Variants in NRP1 observed in about 807,000 individuals in gnomAD.
NRP1 encodes the protein neuropilin 1.
Under a neutral mutation model 106.7 loss-of-function variants are expected in NRP1, and 35 were observed. The observed-to-expected ratio is 0.33, with a 90% CI of 0.25 to 0.43. The LOEUF is 0.43. NRP1 is among the 20% of genes least tolerant of loss of function. The pLI, the probability that NRP1 is intolerant of heterozygous loss-of-function variation, is 1.00. For missense variants in NRP1, 1,024 were observed against 1,170.4 expected, an observed-to-expected ratio of 0.87 and a Z score of 1.83; for synonymous variants, 437 against 417.9, an observed-to-expected ratio of 1.05 and a Z score of -0.56.
chr10:33,263,911 C>A (rs771163120), intron 3 of NRP1, 38 bp from the exon 4 acceptor site: 1 of 1,333,274 alleles, frequency 7.5e-7, no homozygotes, highest in Non-Finnish European at 1.1e-6. Flanking sequence ...AGTGAAAATC[C>A]CACTTAAACA....
intron 2 of NRP1, among the ~76,000 whole-genome samples, chr10:33,276,668 T>G (rs1006780823): frequency 3.3e-5 from 5 of 152,188 alleles, no homozygotes; most frequent in African/African-American, 1.2e-4. Context: ...CCTTTCATAT[T>G]TTTTGTGGGG....
intron 2 of NRP1, among the ~76,000 whole-genome samples, chr10:33,272,249 G>A (rs988431840): frequency 6.6e-6 from 1 of 152,240 alleles, no homozygotes; most frequent in Non-Finnish European, 1.5e-5. Context: ...AGTTAAAACT[G>A]TGTGCCAGCT....
chr10:33,192,538 T>G, intron 12 of NRP1, 120 bp from the exon 13 acceptor site: 1 of 1,063,154 alleles, frequency 9.4e-7, no homozygotes, highest in South Asian at 1.9e-5. Context: ...TTTATGTCTG[T>G]TTGAAAATTC....
intron 12 of NRP1, 111 bp from the exon 13 acceptor site, chr10:33,192,529 T>C: frequency 9.1e-7 from 1 of 1,104,764 alleles, no homozygotes; most frequent in Non-Finnish European, 1.3e-6. Flanking sequence ...TTATACAACT[T>C]TATGTCTGTT....
At chr10:33,223,337 G>T (rs982211830) in intron 7 of NRP1, among the ~76,000 whole-genome samples, 1 of 152,150 alleles carries the variant, frequency 6.6e-6, no homozygotes, top group South Asian at 2.1e-4. Context: ...AGAGTTGGTT[G>T]TGGCTGGGTG....
intron 2 of NRP1, among the ~76,000 whole-genome samples, chr10:33,281,054 A>AT (rs112473156): frequency 0.45 from 65,816 of 147,122 alleles, 15,316 homozygotes; most frequent in South Asian, 0.56. Flanking sequence ...AGCCTTCCAA[A>AT]TTTTTTTTTT....
In NRP1 at chr10:33,180,145, A is replaced by G. The variant is rs1326702173; in HGVS notation, c.2703T>C (p.Phe901=). The change falls in exon 17 of 17, where the codon TTT becomes TTC. Residue 901 remains phenylalanine, a synonymous_variant. Transcript: ENST00000374867. ...RNLSALENYN[F]ELVDGVKLKK... The stretch of plus-strand genomic sequence containing the variant: ...TCAACTTCACACCATCCACAAGTTC[A>G]AAGTTATAGTTCTCCAGGGCAGACA... 1 of 1,614,166 alleles carries G rather than the reference A, an allele frequency of 6.2e-7. No individual in the cohort carries two copies. The highest frequency in any genetic ancestry group is 8.5e-7 in the Non-Finnish European group (1 of 1,180,038).
At chr10:33,205,137 C>G (rs1323386915) in intron 10 of NRP1, among the ~76,000 whole-genome samples, 1 of 152,188 alleles carries the variant, frequency 6.6e-6, no homozygotes, top group Non-Finnish European at 1.5e-5. Flanking sequence ...TTAGGTGTCT[C>G]CCCTAGAACA....
intron 8 of NRP1, among the ~76,000 whole-genome samples, chr10:33,215,783 T>G (rs185755638): frequency 1.3e-5 from 2 of 152,344 alleles, no homozygotes; most frequent in Non-Finnish European, 2.9e-5. Context: ...GTCGTTTCTT[T>G]ACTCAGACAT....
intron 2 of NRP1, among the ~76,000 whole-genome samples, chr10:33,288,055 T>C (rs1844708573): frequency 6.6e-6 from 1 of 152,170 alleles, no homozygotes; most frequent in Non-Finnish European, 1.5e-5. Flanking sequence ...TAAATTTGGT[T>C]AAAGTGAACT....
intron 3 of NRP1, among the ~76,000 whole-genome samples, chr10:33,266,649 G>T (rs1842936443): frequency 6.6e-6 from 1 of 152,174 alleles, no homozygotes; most frequent in Non-Finnish European, 1.5e-5. Context: ...ATAGTGTTTG[G>T]ATCTGTGTCC....
At chr10:33,204,670 C>A (rs1837617770) in intron 10 of NRP1, among the ~76,000 whole-genome samples, 1 of 152,136 alleles carries the variant, frequency 6.6e-6, no homozygotes, top group South Asian at 2.1e-4. Context: ...AAGGAGGAAG[C>A]AAATGATATG....
rs555428813 is a variant in NRP1 at position 33,216,845 on chromosome 10, A to G, written c.1283-3128T>C. ...GAACTAAGTCATATTTTTCTGTTTT[A>G]TATGACTCTTCATGCCCTGTTTTAT... On this transcript the variant is annotated intron_variant, in intron 8 of 16. Coordinates refer to ENST00000374867, the MANE Select transcript of NRP1 (RefSeq NM_003873.7). 1.2e-4 allele frequency among the ~76,000 whole-genome samples: 18 copies of G among 152,216 alleles called. 1 individual carries two copies. Among genetic ancestry groups the G allele is most frequent in the Middle Eastern group, 6.8e-3 (2 of 294 alleles).
At chr10:33,219,162 G>A (rs929940283) in intron 8 of NRP1, among the ~76,000 whole-genome samples, 2 of 152,108 alleles carry the variant, frequency 1.3e-5, no homozygotes, top group East Asian at 1.9e-4. Context: ...TTAGTCTAAC[G>A]GGTACCATTT....
At chr10:33,212,978 A>G (rs1047544099) in intron 9 of NRP1, 3 of 484,480 alleles carry the variant, frequency 6.2e-6, no homozygotes, top group Non-Finnish European at 1.1e-5. Flanking sequence ...GCCCACAATA[A>G]AAATTTATAA....
At chr10:33,291,951 T>C (rs2132634410) in intron 2 of NRP1, among the ~76,000 whole-genome samples, 1 of 152,350 alleles carries the variant, frequency 6.6e-6, no homozygotes, top group African/African-American at 2.4e-5. Flanking sequence ...TCACCCAGGC[T>C]GGAGTGCAGT....
chr10:33,204,011 C>T (rs1370929020), intron 10 of NRP1, among the ~76,000 whole-genome samples: 2 of 152,108 alleles, frequency 1.3e-5, no homozygotes, highest in African/African-American at 2.4e-5. Context: ...ACAAAGACTG[C>T]TTTTGAAGTC....
At chr10:33,201,055 A>G (rs1239949588) in intron 11 of NRP1, 1 of 152,228 alleles carries the variant, frequency 6.6e-6, no homozygotes, top group Non-Finnish European at 1.5e-5. Flanking sequence ...AGAAAAAATC[A>G]GAATGAACTT....
At chr10:33,189,798 A>T (rs745473608) in intron 13 of NRP1, among the ~76,000 whole-genome samples, 3 of 152,214 alleles carry the variant, frequency 2.0e-5, no homozygotes, top group East Asian at 1.9e-4. Context: ...ATAATATTAT[A>T]AAAAAAGCAC....
Sources: gnomAD v4.1 joint callset for allele counts (sites outside exome capture counted in the v4.1 genomes callset) on GRCh38, gnomAD v4.1.1 for gene constraint, MANE v1.5 for transcripts, NCBI Gene and HGNC (gene_info 2026-07-23, HGNC 2026-07-21) for gene names.